The following THSD7B variants were observed in gnomAD, a reference collection of about 807,000 sequenced individuals.
THSD7B encodes the protein thrombospondin type-1 domain-containing protein 7B.
Under a neutral mutation model 213.6 loss-of-function variants are expected in THSD7B, and 138 were observed. The ratio of observed to expected loss-of-function variants is 0.65; its 90% CI spans 0.56 to 0.74. The LOEUF is 0.74. THSD7B is among the 30% of genes least tolerant of loss of function. THSD7B has a pLI of 0.00. For synonymous variants in THSD7B, 742 were observed against 687.0 expected (o/e 1.08, Z -1.25); for missense variants, 1,931 against 1,991.5 (o/e 0.97, Z 0.58).
chr2:137,239,733 G>T (rs1681858679), intron 9 of THSD7B, among the ~76,000 whole-genome samples: 1 of 152,128 alleles, frequency 6.6e-6, no homozygotes, highest in Non-Finnish European at 1.5e-5. Flanking sequence ...TAGTACTTTT[G>T]ATCAAGTTTC....
intron 2 of THSD7B, among the ~76,000 whole-genome samples, chr2:136,925,598 A>C (rs1205857271): frequency 6.6e-6 from 1 of 152,178 alleles, no homozygotes; most frequent in Admixed American, 6.5e-5. Context: ...GAATTTTTAC[A>C]TCAATATTCA....
At chr2:137,614,357 C>A (rs944202924) in intron 17 of THSD7B, among the ~76,000 whole-genome samples, 1 of 152,092 alleles carries the variant, frequency 6.6e-6, no homozygotes, top group African/African-American at 2.4e-5. Flanking sequence ...TTCAAGGTTA[C>A]ATAGTAATTT....
chr2:136,926,440 C>A (rs1684526435), intron 2 of THSD7B, among the ~76,000 whole-genome samples: 1 of 151,996 alleles, frequency 6.6e-6, no homozygotes, highest in South Asian at 2.1e-4. Flanking sequence ...TGCCTGTCAT[C>A]CCAGCACTTT....
intron 12 of THSD7B, among the ~76,000 whole-genome samples, chr2:137,317,385 A>G (rs113500982): frequency 2.0e-5 from 3 of 152,252 alleles, no homozygotes; most frequent in Non-Finnish European, 2.9e-5. Context: ...ACGTTCTGCA[A>G]TTACCTAACA....
At chr2:136,793,952 A>G (rs533308792) in intron 1 of THSD7B, among the ~76,000 whole-genome samples, 1 of 151,496 alleles carries the variant, frequency 6.6e-6, no homozygotes, top group Admixed American at 6.6e-5. Context: ...ATTGTTTTTC[A>G]TACATTTTGG....
intron 27 of THSD7B, among the ~76,000 whole-genome samples, chr2:137,668,255 C>G (rs1234719111): frequency 1.3e-5 from 2 of 152,066 alleles, no homozygotes; most frequent in Non-Finnish European, 2.9e-5. Context: ...TCAGGTAATT[C>G]TAATCTGTGG....
intron 12 of THSD7B, among the ~76,000 whole-genome samples, chr2:137,379,553 G>T (rs1685729218): frequency 6.6e-6 from 1 of 152,168 alleles, no homozygotes; most frequent in Admixed American, 6.5e-5. Context: ...AAATGCAAGG[G>T]GAGAAGGAAA....
At chr2:137,405,159 A>G (rs1686484768) in intron 12 of THSD7B, among the ~76,000 whole-genome samples, 2 of 149,706 alleles carry the variant, frequency 1.3e-5, no homozygotes, top group Non-Finnish European at 3.0e-5. Flanking sequence ...AAAAATACTG[A>G]CTGTATAGGT....
rs530147 is a variant in THSD7B, at chr2:136,920,978, T to A, written c.139+38661T>A. ...CAGGCCCTTTGAAGCCTGCAGGGGT[T>A]GGGGGCTTCCTGGGCCCCTGAGAGC... On this transcript the variant is annotated intron_variant, in intron 2 of 27. Transcript: ENST00000409968. Among the ~76,000 whole-genome samples, 14 of 152,228 alleles carry A rather than the reference T, an allele frequency of 9.2e-5. No homozygotes were observed. The East Asian group carries it at 1.9e-3, about 21-fold the overall frequency.
At chr2:136,917,521 C>T (rs1042446501) in intron 2 of THSD7B, among the ~76,000 whole-genome samples, 2 of 152,126 alleles carry the variant, frequency 1.3e-5, no homozygotes, top group African/African-American at 2.4e-5. Context: ...AGCATCTGCT[C>T]AGTGCTTAAG....
chr2:137,162,073 T>TA (rs1211218361), intron 6 of THSD7B, among the ~76,000 whole-genome samples: 1 of 152,176 alleles, frequency 6.6e-6, no homozygotes, highest in African/African-American at 2.4e-5. Flanking sequence ...CTAATGGTTA[T>TA]AGGTGACAGA....
chr2:136,823,469 C>A (rs1399481015), intron 1 of THSD7B, among the ~76,000 whole-genome samples: 2 of 152,176 alleles, frequency 1.3e-5, no homozygotes, highest in African/African-American at 4.8e-5. Flanking sequence ...TTAACCTTTT[C>A]TCCCCGTGTC....
intron 2 of THSD7B, among the ~76,000 whole-genome samples, chr2:137,053,353 A>T (rs775474885): frequency 6.6e-6 from 1 of 152,120 alleles, no homozygotes; most frequent in Non-Finnish European, 1.5e-5. Context: ...TTAATTACTT[A>T]ATAGTTATAC....
chr2:136,968,711 A>G (rs1685359156), intron 2 of THSD7B, among the ~76,000 whole-genome samples: 1 of 152,092 alleles, frequency 6.6e-6, no homozygotes, highest in South Asian at 2.1e-4. Flanking sequence ...TTCCTATATC[A>G]TTTTTTAAAA....
intron 15 of THSD7B, among the ~76,000 whole-genome samples, chr2:137,456,738 G>A (rs899943971): frequency 6.6e-6 from 1 of 152,180 alleles, no homozygotes; most frequent in Non-Finnish European, 1.5e-5. Flanking sequence ...TTTTAAATGT[G>A]AAACATCACA....
rs1682858061 is a variant in THSD7B at position 137,637,656 on chromosome 2, G to A, written c.3800-4832G>A. On this transcript the variant is annotated intron_variant, in intron 20 of 27. Transcript: ENST00000409968. Reference sequence around the variant, plus strand: ...AGACTTCATTATTTTAAAAGTAATAGCATCATTTTTTTCTTTTGCATTTAT... The same window carrying A: ...AGACTTCATTATTTTAAAAGTAATAACATCATTTTTTTCTTTTGCATTTAT... Among the ~76,000 whole-genome samples, 4 of 151,450 alleles carry A rather than the reference G, an allele frequency of 2.6e-5. No individual in the cohort carries two copies. The South Asian group carries it at 8.3e-4, about 31-fold the overall frequency.
At chr2:137,480,801 A>G (rs536688984) in intron 15 of THSD7B, among the ~76,000 whole-genome samples, 1 of 152,264 alleles carries the variant, frequency 6.6e-6, no homozygotes, top group South Asian at 2.1e-4. Context: ...TTTAAAAAAG[A>G]CAACCTTGTA....
intron 7 of THSD7B, among the ~76,000 whole-genome samples, chr2:137,208,053 A>C (rs866451613): frequency 1.6e-4 from 24 of 152,006 alleles, no homozygotes; most frequent in African/African-American, 5.8e-4. Flanking sequence ...GAGAGTTTTT[A>C]ATTCTGTAAC....
intron 15 of THSD7B, among the ~76,000 whole-genome samples, chr2:137,534,339 T>C (rs1463433474): frequency 6.6e-6 from 1 of 151,730 alleles, no homozygotes; most frequent in Admixed American, 6.6e-5. Flanking sequence ...TTTTATGTCA[T>C]TGTGAATACA....
Sources: gnomAD v4.1 joint callset for allele counts (sites outside exome capture counted in the v4.1 genomes callset) on GRCh38, gnomAD v4.1.1 for gene constraint, MANE v1.5 for transcripts, NCBI Gene and HGNC (gene_info 2026-07-23, HGNC 2026-07-21) for gene names.